The following NCOR2 variants were observed in gnomAD, a reference collection of about 807,000 sequenced individuals.
NCOR2 encodes the protein nuclear receptor corepressor 2.
NCOR2 carries 81 observed loss-of-function variants against 262.9 expected under a neutral mutation model. That is an observed-to-expected ratio of 0.31 (90% CI 0.26 to 0.37). The LOEUF is 0.37. Among genes scored for constraint, NCOR2 ranks in the 10% least tolerant of loss-of-function variants. The pLI is 1.00. For missense variants in NCOR2, 3,385 were observed against 3,621.4 expected, an observed-to-expected ratio of 0.93 and a Z score of 1.68; for synonymous variants, 1,659 against 1,559.3, an observed-to-expected ratio of 1.06 and a Z score of -1.51.
chr12:124,416,375 G>A (rs568108379), intron 13 of NCOR2, among the ~76,000 whole-genome samples: 1 of 152,138 alleles, frequency 6.6e-6, no homozygotes, highest in African/African-American at 2.4e-5. Context: ...CTGAAGACAC[G>A]CGCTGTCTCT....
chr12:124,419,084 A>G (rs1274840792), intron 13 of NCOR2, among the ~76,000 whole-genome samples: 1 of 152,198 alleles, frequency 6.6e-6, no homozygotes, highest in African/African-American at 2.4e-5. Context: ...CGATGCTTCA[A>G]GAGCCCGGAT....
chr12:124,543,373 C>T (rs909824342), intron 1 of NCOR2, among the ~76,000 whole-genome samples: 33 of 152,350 alleles, frequency 2.2e-4, no homozygotes, highest in African/African-American at 7.9e-4. Flanking sequence ...AATAACAGCC[C>T]TCACTTCCTG....
intron 29 of NCOR2, 118 bp from the exon 32 acceptor site, chr12:124,348,029 C>T (rs1463670806): frequency 2.1e-6 from 3 of 1,454,458 alleles, no homozygotes; most frequent in Non-Finnish European, 2.8e-6. Context: ...TGGAGTAGGA[C>T]CCAGCACGGG....
chr12:124,412,127 T>G lies in NCOR2; in HGVS notation c.1482+7830A>C, dbSNP rs2042617602. On this transcript the variant is annotated intron_variant, in intron 13 of 46. Coordinates refer to ENST00000405201, the Ensembl canonical transcript of NCOR2. ...CCATGGATGCCAAGGTGGGCCAGAG[T>G]GAAGGCGGCCGCACACAGCGCGGGT... 2.6e-5 allele frequency among the ~76,000 whole-genome samples: 4 copies of G among 152,136 alleles called. 1 individual carries two copies. The highest frequency in any genetic ancestry group is 2.0e-4 in the Admixed American group (3 of 15,274).
intron 5 of NCOR2, among the ~76,000 whole-genome samples, chr12:124,465,436 A>G (rs2046371359): frequency 6.6e-6 from 1 of 152,176 alleles, no homozygotes; most frequent in Non-Finnish European, 1.5e-5. Context: ...ACAGACCCTT[A>G]GGGTCCAGCC....
chr12:124,346,722 C>T, exon 31 of NCOR2: 1 of 1,563,980 alleles, frequency 6.4e-7, no homozygotes, highest in Non-Finnish European at 8.7e-7. Flanking sequence ...GGGCCCAGGG[C>T]CTGCGTCTTG....
At chr12:124,385,628 C>T (rs761241560) in intron 17 of NCOR2, 117 bp downstream of exon 19, 24 of 1,425,260 alleles carry the variant, frequency 1.7e-5, no homozygotes, top group South Asian at 1.1e-4. Context: ...TCTAACAAGG[C>T]GGCATAATAG....
At chr12:124,490,385 G>A (rs756525898) in intron 1 of NCOR2, among the ~76,000 whole-genome samples, 3 of 151,672 alleles carry the variant, frequency 2.0e-5, no homozygotes, top group Non-Finnish European at 2.9e-5. Context: ...GGACGGGCCC[G>A]AGACGCCTGA....
intron 16 of NCOR2, 132 bp downstream of exon 18, chr12:124,397,987 C>A: frequency 1.9e-6 from 2 of 1,043,192 alleles, no homozygotes; most frequent in East Asian, 2.4e-5. Flanking sequence ...CAGCCCAGAA[C>A]CAGAACCTCA....
In NCOR2 at chr12:124,385,903, A is replaced by G. The variant is rs769367649; in HGVS notation, c.1877-16T>C. On this transcript the variant is annotated splice_polypyrimidine_tract_variant and intron_variant, in intron 16 of 46. Transcript: ENST00000405201. Reference sequence around the variant, plus strand: ...TCCAGGAGACCTGTCTCAGGAGAGGAGGGCAGTGAGAAGAGGCCAGGCCCG... The same window carrying G: ...TCCAGGAGACCTGTCTCAGGAGAGGGGGGCAGTGAGAAGAGGCCAGGCCCG... 1 of 1,611,018 alleles carries G rather than the reference A, an allele frequency of 6.2e-7. No homozygotes were observed. The highest frequency in any genetic ancestry group is 8.5e-7 in the Non-Finnish European group (1 of 1,178,892).
chr12:124,380,792 C>T (rs575394185), intron 17 of NCOR2, among the ~76,000 whole-genome samples: 11 of 152,002 alleles, frequency 7.2e-5, no homozygotes, highest in East Asian at 1.9e-4. Flanking sequence ...CGGGGGGCGG[C>T]GTGGGGTCTC....
Position 124,400,365 on chromosome 12 carries a change from G to A in NCOR2, c.1813+136C>T, listed in dbSNP as rs372138768. 6.6e-6 allele frequency: 8 copies of A among 1,218,736 alleles called. No homozygotes were observed. In the South Asian group the frequency reaches 8.3e-5, roughly 13 times the overall value. 75.5% of individuals were successfully genotyped at this position (1,218,736 alleles called of 1,614,324 possible). On this transcript the variant is annotated intron_variant, in intron 15 of 46. Coordinates refer to ENST00000405201, the Ensembl canonical transcript of NCOR2. The stretch of plus-strand genomic sequence containing the variant: ...CAGCACATCCAGTAGGTAGCGCTGG[G>A]ATTTGACTCCAACCATGACTTACAC...
chr12:124,510,687 C>G (rs926058706), intron 1 of NCOR2, among the ~76,000 whole-genome samples: 1 of 152,222 alleles, frequency 6.6e-6, no homozygotes, highest in Non-Finnish European at 1.5e-5. Context: ...TCTCTCCCAC[C>G]AGGCTGGAGC....
chr12:124,463,347 C>G (rs1593656917), intron 5 of NCOR2, among the ~76,000 whole-genome samples: 1 of 152,222 alleles, frequency 6.6e-6, no homozygotes, highest in East Asian at 1.9e-4. Flanking sequence ...CTCCAAGAAG[C>G]CTTTCCCAGC....
intron 14 of NCOR2, among the ~76,000 whole-genome samples, chr12:124,401,881 A>G (rs1210183473): frequency 6.6e-6 from 1 of 151,942 alleles, no homozygotes; most frequent in Non-Finnish European, 1.5e-5. Flanking sequence ...AGCTGGCTGC[A>G]CTCCTGCAGC....
chr12:124,521,036 C>T (rs939996440), intron 1 of NCOR2, among the ~76,000 whole-genome samples: 2 of 152,180 alleles, frequency 1.3e-5, no homozygotes, highest in South Asian at 2.1e-4. Context: ...GCTCAGCTGG[C>T]GAATGGGGGA....
At chr12:124,360,614 G>C (rs777461394) in intron 22 of NCOR2, among the ~76,000 whole-genome samples, 60 of 152,256 alleles carry the variant, frequency 3.9e-4, no homozygotes, top group Non-Finnish European at 7.2e-4. Flanking sequence ...TGTGGCCTGA[G>C]AGGCCCCACA....
intron 17 of NCOR2, among the ~76,000 whole-genome samples, chr12:124,381,167 GCTCTCCC>G (rs1291922985): frequency 6.6e-6 from 1 of 151,860 alleles, no homozygotes; most frequent in Non-Finnish European, 1.5e-5. Flanking sequence ...TCTCCAAGCT[GCTCTCCC>G]CTCTCCCCTC....
rs1465105771 is a variant in NCOR2 at position 124,440,919 on chromosome 12, T to C, written c.816-2923A>G. ...CACCGCAGGAGACAGGAACAAACTC[T>C]GTGTATCGGAAGCACAGACAGAGGA... On this transcript the variant is annotated intron_variant, in intron 7 of 46. Coordinates refer to ENST00000405201, the Ensembl canonical transcript of NCOR2. The surrounding 1 kb of genome is among the most constrained non-coding windows in gnomAD (Gnocchi z 5.7). 6.6e-6 allele frequency among the ~76,000 whole-genome samples: 1 copy of C among 152,052 alleles called. No homozygotes were observed. The highest frequency in any genetic ancestry group is 6.5e-5 in the Admixed American group (1 of 15,278).
Sources: allele counts gnomAD v4.1 joint callset (sites outside exome capture counted in the v4.1 genomes callset), GRCh38; gene constraint gnomAD v4.1.1; non-coding constraint Gnocchi (gnomAD v3.1); transcripts MANE v1.5; gene names NCBI Gene and HGNC (gene_info 2026-07-23, HGNC 2026-07-21).